Variants in MYCL observed in about 807,000 individuals in gnomAD.
The protein encoded by MYCL is MYCL proto-oncogene, bHLH transcription factor, also known as protein L-Myc.
Under a neutral mutation model 31.0 loss-of-function variants are expected in MYCL, and 11 were observed. That is an observed-to-expected ratio of 0.35 (90% CI 0.22 to 0.59). MYCL has a LOEUF of 0.59. Among genes scored for constraint, MYCL ranks in the 20% least tolerant of loss-of-function variants. The pLI is 0.79. For missense variants in MYCL, 427 were observed against 486.1 expected (o/e 0.88, Z 1.14); for synonymous variants, 208 against 202.4 (o/e 1.03, Z -0.23).
Position 39,895,993 on chromosome 1 carries a change from T to A in MYCL, c.*1379A>T. On this transcript the variant is annotated 3_prime_UTR_variant, in exon 2 of 2. Transcript: ENST00000372816. ...GGCAGAGTTCTGGAGGGGCTGCTGG[T>A]CCTTCTTCCAGGACAGGCTTAGAGG... 4.5e-6 allele frequency: 1 copy of A among 219,996 alleles called. No individual in the cohort carries two copies. Among genetic ancestry groups the A allele is most frequent in the Non-Finnish European group, 9.1e-6 (1 of 109,724 alleles). 13.6% of individuals were successfully genotyped at this position (219,996 alleles called of 1,614,324 possible).
rs531439918 is a variant in MYCL, at chr1:39,897,606, G to A, written c.861C>T (p.Asn287=). The part of the protein sequence containing the change: ...TEDVTKRKNH[N]FLERKRRNDL... ...CATTCCGCCTCTTGCGCTCCAGGAA[G>A]TTGTGATTCTTCCTCTTGGTCACAT... is the stretch of plus-strand genomic sequence containing the variant. Residue 287 remains asparagine, a synonymous_variant, in exon 2 of 2, where the codon AAC becomes AAT. Coordinates refer to ENST00000372816, the MANE Select transcript of MYCL (RefSeq NM_001033081.3). This position sits in a 1 kb window ranked among gnomAD's most constrained non-coding sequence, Gnocchi z 4.3. 6.2e-7 allele frequency: 1 copy of A among 1,614,244 alleles called. No individual in the cohort carries two copies. The highest frequency in any genetic ancestry group is 8.5e-7 in the Non-Finnish European group (1 of 1,180,050).
At chr1:39,900,295 C>T (rs1570185835) in intron 1 of MYCL, 1 of 985,656 alleles carries the variant, frequency 1.0e-6, no homozygotes, top group Non-Finnish European at 1.2e-6. Flanking sequence ...GGAAGAGGGG[C>T]TGGCTAGATG....
At position 39,897,276 on chromosome 1, in the gene MYCL, A is replaced by T; in HGVS notation, c.*96T>A. The T allele has an allele frequency of 8.7e-7, 1 of 1,144,816 alleles. No individual in the cohort carries two copies. Among genetic ancestry groups the T allele is most frequent in the Non-Finnish European group, 1.2e-6 (1 of 802,668 alleles). The allele number at this position is 1,144,816 out of a possible 1,614,324, so 70.9% of individuals were successfully genotyped here. ...TGGGATCTACTGTCCAGACTGTCCCACCATAACCAAAATGTGCAAATTACT... is the reference window on the plus strand; with the variant it reads ...TGGGATCTACTGTCCAGACTGTCCCTCCATAACCAAAATGTGCAAATTACT... On this transcript the variant is annotated 3_prime_UTR_variant, in exon 2 of 2. Transcript: ENST00000372816. This position sits in a 1 kb window ranked among gnomAD's most constrained non-coding sequence, Gnocchi z 4.3.
At chr1:39,898,986 T>C (rs1644508961) in intron 1 of MYCL, 1 of 985,476 alleles carries the variant, frequency 1.0e-6, no homozygotes, top group Non-Finnish European at 1.2e-6. Flanking sequence ...CGTTCTCAGC[T>C]TCTTTGCATA....
At position 39,895,919 on chromosome 1, in the gene MYCL, T is replaced by G; in HGVS notation, c.*1453A>C. 2 of 219,942 alleles carry G rather than the reference T, an allele frequency of 9.1e-6. No individual in the cohort carries two copies. Among genetic ancestry groups the G allele is most frequent in the Non-Finnish European group, 1.8e-5 (2 of 109,750 alleles). 13.6% of individuals were successfully genotyped at this position (219,942 alleles called of 1,614,324 possible). ...GCCATATATAGTACTTACCACCCCC[T>G]ACCCACCCCAACTTCCAAACCCAGA... On this transcript the variant is annotated 3_prime_UTR_variant, in exon 2 of 2. Transcript: ENST00000372816.
At chr1:39,898,143 G>T in intron 1 of MYCL, 173 bp from the exon 2 acceptor site, 2 of 936,126 alleles carry the variant, frequency 2.1e-6, no homozygotes, top group Middle Eastern at 5.4e-4. Context: ...ATGTGGTAAG[G>T]GCACAGTGAA....
In MYCL at chr1:39,897,688, A is replaced by G. The variant is rs554965997; in HGVS notation, c.779T>C (p.Val260Ala). ...GCAGGACTGGGCAGCCTCACTTTCT[A>G]CAGGTGGGGGACTCACAATCTCTTC... is the stretch of plus-strand genomic sequence containing the variant. ...EDEEIVSPPPVESEAAQSCHP... is the reference protein window; with the variant it reads ...EDEEIVSPPPAESEAAQSCHP... The change falls in exon 2 of 2, where the codon GTA becomes GCA. Residue 260 changes from valine to alanine, a missense_variant. Physicochemically the swap from Val to Ala is moderately conservative, Grantham distance 64. Coordinates refer to ENST00000372816, the MANE Select transcript of MYCL (RefSeq NM_001033081.3). The surrounding 1 kb of genome is among the most constrained non-coding windows in gnomAD (Gnocchi z 4.3). 39 of 1,614,148 alleles carry G rather than the reference A, an allele frequency of 2.4e-5. No homozygotes were observed. The African/African-American group carries it at 4.8e-4, about 20-fold the overall frequency.
intron 1 of MYCL, chr1:39,899,509 G>T: frequency 1.7e-6 from 1 of 582,144 alleles, no homozygotes; most frequent in Non-Finnish European, 2.2e-6. Context: ...CTGAGGCCCA[G>T]ATCAGCGAAG....
Position 39,897,706 on chromosome 1 carries a change from A to G in MYCL, c.761T>C (p.Ile254Thr), listed in dbSNP as rs2124715663. The change falls in exon 2 of 2, where the codon ATT becomes ACT. Residue 254 changes from isoleucine (I) to threonine (T), a missense_variant. By Grantham distance (89) the Ile-to-Thr change is moderately conservative. Transcript: ENST00000372816. The surrounding 1 kb of genome is among the most constrained non-coding windows in gnomAD (Gnocchi z 4.3). ...ACTTTCTACAGGTGGGGGACTCACA[A>G]TCTCTTCATCCTCCTCATCTTCCTT... ...GEKEDEEDEE[I>T]VSPPPVESEA... 6.2e-7 allele frequency: 1 copy of G among 1,614,108 alleles called. No individual in the cohort carries two copies.
rs1360155550 is a variant in MYCL at position 39,897,772 on chromosome 1, C to T, written c.695G>A (p.Gly232Asp). 5 of 1,614,050 alleles carry T rather than the reference C, an allele frequency of 3.1e-6. No individual in the cohort carries two copies. The highest frequency in any genetic ancestry group is 2.5e-6 in the Non-Finnish European group (3 of 1,180,040). The change falls in exon 2 of 2, where the codon GGT (glycine) becomes GAT (aspartate). Residue 232 changes from glycine (G) to aspartate (D), a missense_variant. By Grantham distance (94) the Gly-to-Asp change is moderately conservative. Coordinates refer to ENST00000372816, the MANE Select transcript of MYCL (RefSeq NM_001033081.3). The surrounding 1 kb of genome is among the most constrained non-coding windows in gnomAD (Gnocchi z 4.3). ...SCSQEEASER[G>D]PQEEVLERDA... is the part of the protein sequence containing the mutation. ...TCTCTCCAGAACCTCTTCTTGGGGA[C>T]CCCTCTCTGAAGCCTCTTCTTGGGA...
At chr1:39,900,709 T>C in intron 1 of MYCL, 1 of 1,393,902 alleles carries the variant, frequency 7.2e-7, no homozygotes. Context: ...CCCCTGGGGC[T>C]CCAATAATCA....
At position 39,901,264 on chromosome 1, in the gene MYCL, C is replaced by G. The variant is rs371783648; in HGVS notation, c.171G>C (p.Gly57=). The G allele has an allele frequency of 4.9e-5, 79 of 1,602,688 alleles. No homozygotes were observed. In the African/African-American group the frequency reaches 9.2e-4, roughly 19 times the overall value. The part of the protein sequence containing the change: ...LGPGAGDPAP[G]IGPPEPWPGG... ...CGGGCCACGGCTCCGGGGGACCAAT[C>G]CCGGGGGCCGGGTCCCCTGCGCCGG... The change falls in exon 1 of 2, where the codon GGG becomes GGC. Residue 57 remains glycine (G), a synonymous_variant. Transcript: ENST00000372816. The surrounding 1 kb of genome is among the most constrained non-coding windows in gnomAD (Gnocchi z 6.9).
rs1378832724 is a variant in MYCL, at chr1:39,901,841, G to C, written c.-407C>G. 2.4e-6 allele frequency: 3 copies of C among 1,261,880 alleles called. No homozygotes were observed. The highest frequency in any genetic ancestry group is 3.0e-6 in the Non-Finnish European group (3 of 993,020). The allele number at this position is 1,261,880 out of a possible 1,614,324, so 78.2% of individuals were successfully genotyped here. ...AGCCGCCCGCCACCTGGAGCGGACC[G>C]GCTCCCCGCCGGCTCGGGGCAGCCC... On this transcript the variant is annotated 5_prime_UTR_variant, in exon 1 of 2. Transcript: ENST00000372816. This position sits in a 1 kb window ranked among gnomAD's most constrained non-coding sequence, Gnocchi z 6.9.
intron 1 of MYCL, chr1:39,899,466 C>G (rs1405990049): frequency 4.0e-6 from 1 of 247,010 alleles, no homozygotes; most frequent in Non-Finnish European, 6.5e-6. Flanking sequence ...GCAGGACAAT[C>G]AAGTCCAACC....
In MYCL at chr1:39,901,113, C is replaced by G; in HGVS notation, c.322G>C (p.Ala108Pro). 1 of 1,599,014 alleles carries G rather than the reference C, an allele frequency of 6.3e-7. No individual in the cohort carries two copies. Among genetic ancestry groups the G allele is most frequent in the Non-Finnish European group, 8.5e-7 (1 of 1,173,344 alleles). The change falls in exon 1 of 2, where the codon GCT becomes CCT. Residue 108 changes from alanine (A) to proline (P), a missense_variant. By Grantham distance (27) the Ala-to-Pro change is conservative (BLOSUM62 -1). Coordinates refer to ENST00000372816, the MANE Select transcript of MYCL (RefSeq NM_001033081.3). The surrounding 1 kb of genome is among the most constrained non-coding windows in gnomAD (Gnocchi z 6.9). ...CCAGGAGCGAGCCGGTCGCTCACAG[C>G]TCTCTCCAGCCGTTCCCGGGCCGAG... Reference protein sequence around the residue: ...GFSARERLERAVSDRLAPGAP... With the variant: ...GFSARERLERPVSDRLAPGAP...
chr1:39,899,958 GAAT>G (rs1331801792), intron 1 of MYCL: 2 of 985,346 alleles, frequency 2.0e-6, no homozygotes, highest in African/African-American at 3.5e-5. Flanking sequence ...TAAGATGCCA[GAAT>G]AAGAACAATG....
chr1:39,900,596 A>G (rs1027440088), intron 1 of MYCL: 1 of 1,221,852 alleles, frequency 8.2e-7, no homozygotes, highest in Admixed American at 4.2e-5. Context: ...CAGCAAAAAA[A>G]CTTCAGGTTT....
In MYCL at chr1:39,897,488, A is replaced by G; in HGVS notation, c.979T>C (p.Leu327=). The G allele has an allele frequency of 6.2e-7, 1 of 1,614,176 alleles. No homozygotes were observed. Among genetic ancestry groups the G allele is most frequent in the Non-Finnish European group, 8.5e-7 (1 of 1,180,022 alleles). The change falls in exon 2 of 2, where the codon TTG becomes CTG. Residue 327 remains leucine (L), a synonymous_variant. Transcript: ENST00000372816. This position sits in a 1 kb window ranked among gnomAD's most constrained non-coding sequence, Gnocchi z 4.3. ...CCCACCAGGGCTTGCAAGTATTCCA[A>G]GGCCTTGCTTAGGATCACTACTTTG... ...APKVVILSKA[L]EYLQALVGAE...
Position 39,901,336 on chromosome 1 carries a change from G to A in MYCL, c.99C>T (p.Phe33=), listed in dbSNP as rs745911378. The A allele has an allele frequency of 8.1e-6, 13 of 1,608,082 alleles. No homozygotes were observed. In the East Asian group the frequency reaches 1.1e-4, roughly 14 times the overall value. ...TAPSEDIWKK[F]ELVPSPPTSP... ...ACGTGGGGGGCGATGGCACCAGCTC[G>A]AATTTCTTCCAGATGTCCTCGCTGG... The change falls in exon 1 of 2, where the codon TTC becomes TTT. Residue 33 remains phenylalanine, a synonymous_variant. Transcript: ENST00000372816. This position sits in a 1 kb window ranked among gnomAD's most constrained non-coding sequence, Gnocchi z 6.9.
Sources: allele counts gnomAD v4.1 joint callset, GRCh38; gene constraint gnomAD v4.1.1; non-coding constraint Gnocchi (gnomAD v3.1); transcripts MANE v1.5; gene names NCBI Gene and HGNC (gene_info 2026-07-23, HGNC 2026-07-21).